The following BMAL2 variants were observed in gnomAD, a reference collection of about 807,000 sequenced individuals.
BMAL2 encodes the protein basic helix-loop-helix ARNT-like protein 2.
At chr12:27,364,746 T>C in the BMAL2 span, among the ~76,000 whole-genome samples, 1 of 152,320 alleles carries the variant, frequency 6.6e-6, no homozygotes, top group East Asian at 1.9e-4. Flanking sequence ...TTTACATCTT[T>C]AGTATATTGA....
At chr12:27,348,357 C>T in the BMAL2 span, among the ~76,000 whole-genome samples, 1 of 151,948 alleles carries the variant, frequency 6.6e-6, no homozygotes. Flanking sequence ...TTTGGGGAGG[C>T]TTAGGGAGGA....
At chr12:27,409,025 T>G in the BMAL2 span, among the ~76,000 whole-genome samples, 1 of 152,170 alleles carries the variant, frequency 6.6e-6, no homozygotes, top group African/African-American at 2.4e-5. Context: ...TACCTAGGAA[T>G]CCAACTTACA....
the BMAL2 span, among the ~76,000 whole-genome samples, chr12:27,406,857 G>T: frequency 6.6e-6 from 1 of 152,174 alleles, no homozygotes; most frequent in Non-Finnish European, 1.5e-5. Flanking sequence ...CATCTCATGT[G>T]CAGAGACAAA....
the BMAL2 span, chr12:27,422,683 A>C: frequency 6.6e-6 from 1 of 152,228 alleles, no homozygotes; most frequent in Admixed American, 6.5e-5. Flanking sequence ...GTTATAGTTA[A>C]GTCTAAAGAA....
chr12:27,422,392 G>C, the BMAL2 span: 6 of 152,174 alleles, frequency 3.9e-5, no homozygotes, highest in Admixed American at 3.3e-4. Flanking sequence ...TATTTCTTTA[G>C]CTGTAGGTGA....
chr12:27,387,613 G>C, the BMAL2 span, among the ~76,000 whole-genome samples: 1 of 152,092 alleles, frequency 6.6e-6, no homozygotes. Flanking sequence ...GACTAAATGA[G>C]GTGTCATATT....
the BMAL2 span, among the ~76,000 whole-genome samples, chr12:27,405,180 T>C: frequency 1.3e-5 from 2 of 152,190 alleles, no homozygotes; most frequent in Middle Eastern, 3.2e-3. Context: ...GGGCAGGGCA[T>C]AGCCAAACAA....
chr12:27,384,692 C>T, the BMAL2 span, among the ~76,000 whole-genome samples: 2 of 152,094 alleles, frequency 1.3e-5, no homozygotes, highest in Non-Finnish European at 2.9e-5. Context: ...ACTTATAAAT[C>T]AGGCATATTA....
At chr12:27,373,037 C>T in the BMAL2 span, among the ~76,000 whole-genome samples, 1 of 152,122 alleles carries the variant, frequency 6.6e-6, no homozygotes, top group African/African-American at 2.4e-5. Context: ...TACAGTCTTA[C>T]AATTTTCAAA....
chr12:27,355,775 AAC>A, the BMAL2 span, among the ~76,000 whole-genome samples: 2 of 152,198 alleles, frequency 1.3e-5, no homozygotes, highest in Admixed American at 1.3e-4. Context: ...CACAGAAACT[AAC>A]AGTCTTAAAA....
At chr12:27,372,708 G>A in the BMAL2 span, among the ~76,000 whole-genome samples, 1 of 151,794 alleles carries the variant, frequency 6.6e-6, no homozygotes. Flanking sequence ...GAGTCTCGCT[G>A]TGTCACCCAG....
chr12:27,342,826 C>T, the BMAL2 span, among the ~76,000 whole-genome samples: 2 of 152,246 alleles, frequency 1.3e-5, no homozygotes, highest in Non-Finnish European at 2.9e-5. Context: ...ATCCAATTCT[C>T]CATGCATCAT....
chr12:27,398,328 C>T, the BMAL2 span, among the ~76,000 whole-genome samples: 1 of 152,284 alleles, frequency 6.6e-6, no homozygotes, highest in Admixed American at 6.5e-5. Flanking sequence ...TCCTCACCCC[C>T]ACACACATTT....
the BMAL2 span, among the ~76,000 whole-genome samples, chr12:27,383,824 G>A: frequency 6.6e-6 from 1 of 152,162 alleles, no homozygotes; most frequent in Non-Finnish European, 1.5e-5. Context: ...TCCAACAGAA[G>A]AGATTTTCTT....
chr12:27,367,453 G>T, the BMAL2 span, among the ~76,000 whole-genome samples: 1 of 152,102 alleles, frequency 6.6e-6, no homozygotes, highest in Non-Finnish European at 1.5e-5. Flanking sequence ...GATAAGAGGG[G>T]ACTACTGTAT....
At chr12:27,385,489 A>G in the BMAL2 span, 42 of 1,605,676 alleles carry the variant, frequency 2.6e-5, no homozygotes, top group Non-Finnish European at 3.6e-5. Flanking sequence ...AGGCTTGACA[A>G]ATTCTTATGT....
At chr12:27,376,233 A>G in the BMAL2 span, 1 of 940,248 alleles carries the variant, frequency 1.1e-6, no homozygotes, top group East Asian at 2.6e-5. Flanking sequence ...ACAGCTAAGG[A>G]TTTTATAGGA....
the BMAL2 span, among the ~76,000 whole-genome samples, chr12:27,371,167 CT>C: frequency 6.6e-6 from 1 of 152,180 alleles, no homozygotes; most frequent in Admixed American, 6.5e-5. Flanking sequence ...TTGACTTAAG[CT>C]AAGTTTTAAA....
chr12:27,375,598 A>G, the BMAL2 span, among the ~76,000 whole-genome samples: 1 of 152,212 alleles, frequency 6.6e-6, no homozygotes, highest in Non-Finnish European at 1.5e-5. Context: ...GAGACACATT[A>G]GAATATTAAC....
Sources: gnomAD v4.1 joint callset for allele counts (sites outside exome capture counted in the v4.1 genomes callset) on GRCh38, gnomAD v4.1.1 for gene constraint, MANE v1.5 for transcripts, NCBI Gene and HGNC (gene_info 2026-07-23, HGNC 2026-07-21) for gene names.